Variants in FLT3 observed in about 807,000 individuals in gnomAD.
FLT3 encodes receptor-type tyrosine-protein kinase FLT3.
In FLT3, 46 loss-of-function variants were observed where a neutral mutation model predicts 126.6. The observed-to-expected ratio is 0.36, with a 90% CI of 0.29 to 0.46. The LOEUF is 0.46. FLT3 is among the 20% of genes least tolerant of loss of function. FLT3 has a pLI of 1.00. For synonymous variants in FLT3, 404 were observed against 434.4 expected (o/e 0.93, Z 0.87); for missense variants, 1,069 against 1,190.3 (o/e 0.90, Z 1.50).
chr13:28,045,897 G>T (rs1231220155), intron 9 of FLT3, among the ~76,000 whole-genome samples: 1 of 139,858 alleles, frequency 7.2e-6, no homozygotes, highest in African/African-American at 2.7e-5. Context: ...AACAGCTTAC[G>T]ATGACTGTGG....
rs1195916271 is a variant in FLT3, at chr13:28,049,973, G to A, written c.742+122C>T. Reference sequence around the variant, plus strand: ...CAGAATCCATAATATTGCATTTACTGTGACCTGAAGGAATGATAGGATTTC... The same window carrying A: ...CAGAATCCATAATATTGCATTTACTATGACCTGAAGGAATGATAGGATTTC... On this transcript the variant is annotated intron_variant, in intron 6 of 23. Transcript: ENST00000241453. 1.5e-5 allele frequency: 18 copies of A among 1,227,748 alleles called. No individual in the cohort carries two copies. The Admixed American group carries it at 3.1e-4, about 21-fold the overall frequency. 76.1% of individuals were successfully genotyped at this position (1,227,748 alleles called of 1,614,324 possible).
chr13:28,081,274 C>A (rs1207722568), intron 1 of FLT3, among the ~76,000 whole-genome samples: 1 of 138,704 alleles, frequency 7.2e-6, no homozygotes, highest in Non-Finnish European at 1.6e-5. Context: ...CATATCACTC[C>A]TTTTAATTAG....
chr13:28,048,020 A>G (rs1032589375), intron 9 of FLT3, among the ~76,000 whole-genome samples: 1 of 152,204 alleles, frequency 6.6e-6, no homozygotes, highest in African/African-American at 2.4e-5. Context: ...AATGCCAGAG[A>G]ACCAGACTCA....
chr13:28,025,213 T>C (rs1454973179), intron 17 of FLT3: 1 of 479,320 alleles, frequency 2.1e-6, no homozygotes, highest in Non-Finnish European at 3.8e-6. Context: ...ACCTATGAGA[T>C]GGGTGGCATT....
intron 4 of FLT3, 41 bp from the exon 5 acceptor site, chr13:28,052,715 A>G: frequency 7.0e-7 from 1 of 1,422,188 alleles, no homozygotes; most frequent in East Asian, 2.3e-5. Context: ...TATTTTAAAA[A>G]TAATTCTCTT....
At chr13:28,091,307 C>T (rs865994038) in intron 1 of FLT3, among the ~76,000 whole-genome samples, 20 of 140,350 alleles carry the variant, frequency 1.4e-4, no homozygotes, top group South Asian at 2.3e-4. Flanking sequence ...CTGCAAGCTC[C>T]GCCTCCCGGG....
At chr13:28,092,814 G>A (rs1382324172) in intron 1 of FLT3, among the ~76,000 whole-genome samples, 1 of 142,492 alleles carries the variant, frequency 7.0e-6, no homozygotes, top group African/African-American at 2.6e-5. Flanking sequence ...TCTGAAGGTC[G>A]CAATTAACTC....
chr13:28,099,654 G>A (rs1412558376), intron 1 of FLT3, among the ~76,000 whole-genome samples: 6 of 152,106 alleles, frequency 3.9e-5, no homozygotes, highest in Non-Finnish European at 8.8e-5. Flanking sequence ...GAACTCTGTC[G>A]CCTTCAACCC....
chr13:28,019,050 C>T (rs938887314), intron 19 of FLT3, among the ~76,000 whole-genome samples: 8 of 151,618 alleles, frequency 5.3e-5, no homozygotes, highest in Admixed American at 6.6e-5. Context: ...TCACTGCAAC[C>T]TCTGCGTCCC....
chr13:28,092,963 C>A (rs1167210349), intron 1 of FLT3, among the ~76,000 whole-genome samples: 2 of 148,468 alleles, frequency 1.3e-5, no homozygotes, highest in East Asian at 3.9e-4. Context: ...GCTCTGTCAC[C>A]CAGGCTGGAG....
At position 28,050,200 on chromosome 13, in the gene FLT3, C is replaced by T. The variant is rs1425967366; in HGVS notation, c.637G>A (p.Val213Ile). The stretch of plus-strand genomic sequence containing the variant: ...AGCACTTTTTCCTCCTTTTTAACAA[C>T]AGCTGGACTTTCTTCTTTACAGCTG... ...GESCKEESPA[V>I]VKKEEKVLHE... The change falls in exon 6 of 24, where the codon GTT (valine) becomes ATT (isoleucine). Residue 213 changes from valine (V) to isoleucine (I), a missense_variant. Coordinates refer to ENST00000241453, the MANE Select transcript of FLT3 (RefSeq NM_004119.3). 3 of 1,613,980 alleles carry T rather than the reference C, an allele frequency of 1.9e-6. No homozygotes were observed. The highest frequency in any genetic ancestry group is 1.3e-5 in the African/African-American group (1 of 74,946).
chr13:28,019,882 ACT>A (rs1220859948), intron 19 of FLT3, among the ~76,000 whole-genome samples: 1 of 151,650 alleles, frequency 6.6e-6, no homozygotes, highest in Non-Finnish European at 1.5e-5. Context: ...GCACGAGCCT[ACT>A]CTCACTCCTG....
intron 1 of FLT3, among the ~76,000 whole-genome samples, chr13:28,073,949 AAAAAAAAGAAAAG>A (rs1877751352): frequency 1.4e-5 from 2 of 147,164 alleles, no homozygotes; most frequent in Admixed American, 6.9e-5. Flanking sequence ...CTAAAAAAAA[AAAAAAAAGAAAAG>A]AAAAAAAAGA....
intron 9 of FLT3, 86 bp downstream of exon 9, chr13:28,048,189 C>T (rs1875075796): frequency 1.9e-6 from 2 of 1,046,092 alleles, no homozygotes; most frequent in South Asian, 1.6e-5. Flanking sequence ...AATTTGCTTC[C>T]ATAAGTATAA....
intron 23 of FLT3, among the ~76,000 whole-genome samples, chr13:28,007,421 A>G (rs1031793171): frequency 1.3e-5 from 2 of 151,660 alleles, no homozygotes; most frequent in African/African-American, 4.8e-5. Context: ...TAATTTTTTA[A>G]TTTTTGGTAG....
intron 1 of FLT3, among the ~76,000 whole-genome samples, chr13:28,079,928 G>A (rs1360641755): frequency 3.3e-5 from 5 of 152,182 alleles, no homozygotes; most frequent in Non-Finnish European, 7.3e-5. Flanking sequence ...AAGGAAGGAA[G>A]AGAGAGGAGG....
At position 28,052,615 on chromosome 13, in the gene FLT3, G is replaced by C. The variant is rs2137740786; in HGVS notation, c.544C>G (p.Leu182Val). 1 of 1,613,398 alleles carries C rather than the reference G, an allele frequency of 6.2e-7. No homozygotes were observed. Among genetic ancestry groups the C allele is most frequent in the South Asian group, 1.1e-5 (1 of 91,046 alleles). The change falls in exon 5 of 24, where the codon CTG becomes GTG. Residue 182 changes from leucine (L) to valine (V), a missense_variant. Physicochemically the swap from Leu to Val is conservative, Grantham distance 32. Transcript: ENST00000241453. ...GGAACGCTCTCAGATATGCAGACCAGGGCGTCCTGGTTTTCCATTTTTCTA... is the reference window on the plus strand; with the variant it reads ...GGAACGCTCTCAGATATGCAGACCACGGCGTCCTGGTTTTCCATTTTTCTA... ...YFRKMENQDA[L>V]VCISESVPEP...
At chr13:28,054,102 T>C (rs1593267010) in intron 4 of FLT3, among the ~76,000 whole-genome samples, 1 of 152,294 alleles carries the variant, frequency 6.6e-6, no homozygotes, top group East Asian at 1.9e-4. Context: ...AATAACATTC[T>C]TAAGAGTGGA....
chr13:28,015,353 A>G (rs1477142417), intron 21 of FLT3, 97 bp from the exon 22 acceptor site: 6 of 909,564 alleles, frequency 6.6e-6, no homozygotes, highest in Admixed American at 2.0e-5. Context: ...GCCATGTGCC[A>G]GACACTGTTG....
Sources: allele counts gnomAD v4.1 joint callset (sites outside exome capture counted in the v4.1 genomes callset), GRCh38; gene constraint gnomAD v4.1.1; transcripts MANE v1.5; gene names NCBI Gene and HGNC (gene_info 2026-07-23, HGNC 2026-07-21).